Variants in FBXO40 observed in about 807,000 individuals in gnomAD.
FBXO40 encodes F-box only protein 40.
In FBXO40, 50 loss-of-function variants were observed where a neutral mutation model predicts 49.9. The observed-to-expected ratio is 1.00, with a 90% CI of 0.80 to 1.27. The LOEUF (loss-of-function observed/expected upper bound fraction) is 1.27. Among genes scored for constraint, FBXO40 ranks in the 50% most tolerant of loss-of-function variants. The pLI, the probability that FBXO40 is intolerant of heterozygous loss-of-function variation, is 0.00. For missense variants in FBXO40, 895 were observed against 870.1 expected (o/e 1.03, Z -0.36); for synonymous variants, 340 against 320.2 (o/e 1.06, Z -0.66).
chr3:121,615,810 T>G lies in FBXO40; in HGVS notation c.-30-4736T>G, dbSNP rs192880892. On this transcript the variant is annotated intron_variant, in intron 1 of 3. Coordinates refer to ENST00000338040, the MANE Select transcript of FBXO40 (RefSeq NM_016298.4). ...AAGTTTTGTCTGGCCATAAATATTC[T>G]GTAATTATAAGTGGTGGTCAGCTTG... Among the ~76,000 whole-genome samples, 29 of 152,286 alleles carry G rather than the reference T, an allele frequency of 1.9e-4. 1 individual carries two copies. In the East Asian group the frequency reaches 5.4e-3, roughly 28 times the overall value.
chr3:121,621,447 A>C lies in FBXO40; in HGVS notation c.18A>C (p.Arg6Ser). The C allele has an allele frequency of 5.6e-6, 9 of 1,613,316 alleles. No homozygotes were observed. The highest frequency in any genetic ancestry group is 7.6e-6 in the Non-Finnish European group (9 of 1,179,514). The change falls in exon 3 of 4, where the codon AGA becomes AGC. Residue 6 changes from arginine (R) to serine (S), a missense_variant. By Grantham distance (110) the Arg-to-Ser change is moderately radical. Coordinates refer to ENST00000338040, the MANE Select transcript of FBXO40 (RefSeq NM_016298.4). Reference sequence around the variant, plus strand: ...GGTGTGTCCAGGGGAAAGCCCGCAGATCCCCGCCAGGGCACCACAGGCATT... The same window carrying C: ...GGTGTGTCCAGGGGAAAGCCCGCAGCTCCCCGCCAGGGCACCACAGGCATT... Reference protein sequence around the residue: MGKARRSPPGHHRHCE... With the variant: MGKARSSPPGHHRHCE...
At chr3:121,615,074 A>C (rs2048989854) in intron 1 of FBXO40, among the ~76,000 whole-genome samples, 1 of 151,974 alleles carries the variant, frequency 6.6e-6, no homozygotes, top group African/African-American at 2.4e-5. Flanking sequence ...GTGTGGTGGC[A>C]TGTGCCTGTA....
chr3:121,623,847 C>T (rs1282157791), intron 3 of FBXO40, among the ~76,000 whole-genome samples: 2 of 151,548 alleles, frequency 1.3e-5, no homozygotes, highest in African/African-American at 4.9e-5. Context: ...CACTGTCACA[C>T]CCAGCTAATT....
At chr3:121,600,219 T>TTC (rs1279113048) in intron 1 of FBXO40, among the ~76,000 whole-genome samples, 21 of 130,338 alleles carry the variant, frequency 1.6e-4, no homozygotes, top group African/African-American at 6.0e-4. Context: ...TTTTTTTTTT[T>TTC]AGTAGAGACG....
Position 121,626,974 on chromosome 3 carries a change from G to A in FBXO40, c.*64G>A. ...TTCTCGGAGTTCCTGAAGTAGGACA[G>A]AGTGTGTGGTTTTGAGGACTCCCTT... is the stretch of plus-strand genomic sequence containing the variant. On this transcript the variant is annotated 3_prime_UTR_variant, in exon 4 of 4. Coordinates refer to ENST00000338040, the MANE Select transcript of FBXO40 (RefSeq NM_016298.4). 1 of 1,522,672 alleles carries A rather than the reference G, an allele frequency of 6.6e-7. No homozygotes were observed. The highest frequency in any genetic ancestry group is 9.1e-7 in the Non-Finnish European group (1 of 1,103,338). 94.3% of individuals were successfully genotyped at this position (1,522,672 alleles called of 1,614,324 possible).
rs773658054 is a variant in FBXO40 at position 121,621,657 on chromosome 3, G to A, written c.228G>A (p.Met76Ile). The A allele has an allele frequency of 1.9e-6, 3 of 1,614,002 alleles. No homozygotes were observed. The South Asian group carries it at 3.3e-5, about 18-fold the overall frequency. Residue 76 changes from methionine (M) to isoleucine (I), a missense_variant, in exon 3 of 4, where the codon ATG becomes ATA. Coordinates refer to ENST00000338040, the MANE Select transcript of FBXO40 (RefSeq NM_016298.4). ...CCGAATATGGCTGCCCTCTGTCCAT[G>A]TCCCGCCACAAACTGGCCAAGCACC... Reference protein sequence around the residue: ...LNSEYGCPLSMSRHKLAKHLQ... With the variant: ...LNSEYGCPLSISRHKLAKHLQ...
intron 1 of FBXO40, 102 bp from the exon 2 acceptor site, chr3:121,620,444 A>G: frequency 9.5e-7 from 1 of 1,050,998 alleles, no homozygotes; most frequent in South Asian, 1.4e-5. Flanking sequence ...GGATGGTGGA[A>G]GGAATTAAAT....
chr3:121,602,769 C>T (rs555580354), intron 1 of FBXO40, among the ~76,000 whole-genome samples: 2 of 152,188 alleles, frequency 1.3e-5, no homozygotes, highest in Admixed American at 1.3e-4. Flanking sequence ...ACATTAAGTC[C>T]ATAATGGACT....
Position 121,614,352 on chromosome 3 carries a change from G to A in FBXO40, c.-30-6194G>A, listed in dbSNP as rs568038486. ...AGCTACTCAGGAGGCTGAGGCAGGA[G>A]AATTGCTTGAACACAGGAGGCAGAG... On this transcript the variant is annotated intron_variant, in intron 1 of 3. Transcript: ENST00000338040. Among the ~76,000 whole-genome samples, 9 of 151,382 alleles carry A rather than the reference G, an allele frequency of 5.9e-5. No individual in the cohort carries two copies. In the South Asian group the frequency reaches 8.3e-4, roughly 14 times the overall value.
intron 1 of FBXO40, among the ~76,000 whole-genome samples, chr3:121,593,796 G>A (rs1266059032): frequency 6.6e-6 from 1 of 152,136 alleles, no homozygotes; most frequent in East Asian, 1.9e-4. Context: ...ATGGTGATGG[G>A]TGGGGGGATC....
At chr3:121,610,645 TG>T (rs944629533) in intron 1 of FBXO40, among the ~76,000 whole-genome samples, 8 of 152,138 alleles carry the variant, frequency 5.3e-5, no homozygotes, top group Non-Finnish European at 1.0e-4. Flanking sequence ...CTTTTTTTGT[TG>T]TTTTTTTCCT....
At chr3:121,614,352 G>T (rs568038486) in intron 1 of FBXO40, among the ~76,000 whole-genome samples, 2 of 151,382 alleles carry the variant, frequency 1.3e-5, no homozygotes, top group Non-Finnish European at 2.9e-5. Context: ...TGAGGCAGGA[G>T]AATTGCTTGA....
intron 1 of FBXO40, among the ~76,000 whole-genome samples, chr3:121,611,060 G>A (rs1189546638): frequency 1.3e-5 from 2 of 152,174 alleles, no homozygotes; most frequent in Non-Finnish European, 2.9e-5. Context: ...TGTGAAGCAG[G>A]TAGACAGATG....
chr3:121,626,883 CAGA>C lies in FBXO40; in HGVS notation c.2104_2106del (p.Arg702del). On this transcript the variant is annotated inframe_deletion, in exon 4 of 4. Coordinates refer to ENST00000338040, the MANE Select transcript of FBXO40 (RefSeq NM_016298.4). ...AGAGCTTAGTCTCCACCTTTAGAATCAGACCACGAGGAAGATACGTCTCCTAAA... is the reference window on the plus strand; with the variant it reads ...AGAGCTTAGTCTCCACCTTTAGAATCCCACGAGGAAGATACGTCTCCTAAA... The C allele has an allele frequency of 1.2e-6, 2 of 1,614,152 alleles. No homozygotes were observed. The highest frequency in any genetic ancestry group is 1.7e-6 in the Non-Finnish European group (2 of 1,180,026).
At chr3:121,608,370 T>A (rs2048942926) in intron 1 of FBXO40, among the ~76,000 whole-genome samples, 1 of 152,190 alleles carries the variant, frequency 6.6e-6, no homozygotes, top group Non-Finnish European at 1.5e-5. Context: ...TTTACATCCT[T>A]TTCCAATTGC....
At chr3:121,618,772 G>A (rs2049013521) in intron 1 of FBXO40, among the ~76,000 whole-genome samples, 1 of 151,660 alleles carries the variant, frequency 6.6e-6, no homozygotes, top group South Asian at 2.1e-4. Flanking sequence ...TGGTTGGAGG[G>A]CAGGGAGAGA....
intron 1 of FBXO40, among the ~76,000 whole-genome samples, chr3:121,594,611 A>G (rs1048602127): frequency 6.6e-6 from 1 of 152,224 alleles, no homozygotes; most frequent in Admixed American, 6.5e-5. Flanking sequence ...CTGCTGTGTC[A>G]TACTACTGGT....
At chr3:121,619,074 C>T (rs2049015268) in intron 1 of FBXO40, among the ~76,000 whole-genome samples, 1 of 152,066 alleles carries the variant, frequency 6.6e-6, no homozygotes, top group Non-Finnish European at 1.5e-5. Flanking sequence ...CAGCTCACTG[C>T]AGCCTTGACC....
rs139824594 is a variant in FBXO40, at chr3:121,600,518, A to T, written c.-31+7016A>T. 2.3e-3 allele frequency among the ~76,000 whole-genome samples: 356 copies of T among 152,272 alleles called. 3 individuals carry two copies. The highest frequency in any genetic ancestry group is 8.2e-3 in the African/African-American group (340 of 41,544). On this transcript the variant is annotated intron_variant, in intron 1 of 3. Transcript: ENST00000338040. ...ATAAGGAAGGAGGGGCTTCTTAAGGAAGGGCATCTGGCTCCTTTACAACCT... is the reference window on the plus strand; with the variant it reads ...ATAAGGAAGGAGGGGCTTCTTAAGGTAGGGCATCTGGCTCCTTTACAACCT...
Sources: allele counts gnomAD v4.1 joint callset (sites outside exome capture counted in the v4.1 genomes callset), GRCh38; gene constraint gnomAD v4.1.1; transcripts MANE v1.5; gene names NCBI Gene and HGNC (gene_info 2026-07-23, HGNC 2026-07-21).